The following DYM variants were observed in gnomAD, a reference collection of about 807,000 sequenced individuals.
The protein encoded by DYM is dyggve-Melchior-Clausen syndrome protein.
Under a neutral mutation model 93.1 loss-of-function variants are expected in DYM, and 78 were observed. That is an observed-to-expected ratio of 0.84 (90% CI 0.70 to 1.01). DYM has a LOEUF of 1.01. Among genes scored for constraint, DYM ranks in the 50% least tolerant of loss-of-function variants. The probability of loss-of-function intolerance (pLI) is 0.00; values close to 1 mark genes in which losing one functional copy is unlikely to be tolerated. For missense variants in DYM, 789 were observed against 845.0 expected (o/e 0.93, Z 0.82); for synonymous variants, 321 against 319.7 (o/e 1.00, Z -0.04).
At chr18:49,390,408 C>T (rs530762366) in intron 3 of DYM, among the ~76,000 whole-genome samples, 9 of 151,716 alleles carry the variant, frequency 5.9e-5, no homozygotes, top group South Asian at 2.1e-4. Context: ...CCAGCCTGGG[C>T]AGCAAAGCAA....
chr18:49,250,699 G>A (rs2094266934), intron 13 of DYM, among the ~76,000 whole-genome samples: 1 of 152,196 alleles, frequency 6.6e-6, no homozygotes, highest in South Asian at 2.1e-4. Context: ...TGGAATAAAG[G>A]GGTGGGAAGC....
intron 14 of DYM, among the ~76,000 whole-genome samples, chr18:49,206,290 G>A (rs74773016): frequency 0.078 from 11,785 of 151,960 alleles, 730 homozygotes; most frequent in East Asian, 0.29. Context: ...TAGCCACCGC[G>A]CCCAGCTGGT....
intron 8 of DYM, among the ~76,000 whole-genome samples, chr18:49,321,727 A>G (rs909222036): frequency 1.3e-5 from 2 of 151,076 alleles, no homozygotes; most frequent in African/African-American, 2.4e-5. Flanking sequence ...ATATTTTATA[A>G]GTCACAAAAT....
At chr18:49,242,638 G>A (rs1391765557) in intron 13 of DYM, among the ~76,000 whole-genome samples, 1 of 152,130 alleles carries the variant, frequency 6.6e-6, no homozygotes, top group African/African-American at 2.4e-5. Flanking sequence ...TGCGTCTTCT[G>A]TAGGTCACTG....
chr18:49,199,991 A>C (rs1218889025), intron 14 of DYM, among the ~76,000 whole-genome samples: 1 of 151,980 alleles, frequency 6.6e-6, no homozygotes, highest in Non-Finnish European at 1.5e-5. Flanking sequence ...AAAGAAAAGA[A>C]AAAAAAAGAA....
intron 16 of DYM, among the ~76,000 whole-genome samples, chr18:49,111,268 G>A (rs981704899): frequency 6.6e-6 from 1 of 152,020 alleles, no homozygotes; most frequent in Non-Finnish European, 1.5e-5. Context: ...CAAGCTGTGG[G>A]CTGCATTTGC....
chr18:49,436,807 A>C (rs1055069340), intron 1 of DYM, among the ~76,000 whole-genome samples: 5 of 152,336 alleles, frequency 3.3e-5, no homozygotes, highest in African/African-American at 1.2e-4. Flanking sequence ...CATTAAAATT[A>C]ACAGGAAAAA....
At position 49,097,451 on chromosome 18, in the gene DYM, A is replaced by G; in HGVS notation, c.1976T>C (p.Leu659Pro). The G allele has an allele frequency of 1.9e-6, 3 of 1,614,076 alleles. No individual in the cohort carries two copies. The highest frequency in any genetic ancestry group is 2.7e-5 in the African/African-American group (2 of 75,046). The stretch of plus-strand genomic sequence containing the variant: ...AACGACGCCTTGCTTAATGATTTCC[A>G]GGACCCGTTCCACTGACAGCTCAGC... ...AGAELSVERV[L>P]EIIKQGVVAL... Residue 659 changes from leucine to proline, a missense_variant, in exon 17 of 18, where the codon CTG becomes CCG. Leu to Pro is a moderately conservative substitution (Grantham distance 98). Transcript: ENST00000675505.
At chr18:49,189,848 A>C (rs1290559592) in intron 14 of DYM, among the ~76,000 whole-genome samples, 1 of 152,244 alleles carries the variant, frequency 6.6e-6, no homozygotes, top group Non-Finnish European at 1.5e-5. Flanking sequence ...CTCTTGCAAT[A>C]GTCACATCAA....
chr18:49,227,436 G>T (rs1288303084), intron 13 of DYM, among the ~76,000 whole-genome samples: 1 of 152,048 alleles, frequency 6.6e-6, no homozygotes, highest in Non-Finnish European at 1.5e-5. Context: ...AAAGTCTATT[G>T]GAGTCATTAA....
At chr18:49,429,516 A>G (rs1315822733) in intron 2 of DYM, among the ~76,000 whole-genome samples, 1 of 152,176 alleles carries the variant, frequency 6.6e-6, no homozygotes, top group Non-Finnish European at 1.5e-5. Context: ...ATGAGATATT[A>G]TTTTTCACCT....
chr18:49,371,733 T>C (rs575695951), intron 5 of DYM, among the ~76,000 whole-genome samples: 1 of 152,352 alleles, frequency 6.6e-6, no homozygotes, highest in Admixed American at 6.5e-5. Context: ...TGCCTAGGGC[T>C]GGCTTTGTCC....
At chr18:49,243,074 G>C (rs888940838) in intron 13 of DYM, among the ~76,000 whole-genome samples, 1 of 152,094 alleles carries the variant, frequency 6.6e-6, no homozygotes, top group African/African-American at 2.4e-5. Context: ...CTGCCTCCTC[G>C]CTACTTTAAA....
At chr18:49,432,350 AAAG>A (rs1289883914) in intron 1 of DYM, among the ~76,000 whole-genome samples, 1 of 147,596 alleles carries the variant, frequency 6.8e-6, no homozygotes, top group Non-Finnish European at 1.5e-5. Flanking sequence ...AAAAAAAAAG[AAAG>A]AAAGAAATTC....
intron 13 of DYM, among the ~76,000 whole-genome samples, chr18:49,254,155 A>G (rs2094343315): frequency 6.6e-6 from 1 of 151,904 alleles, no homozygotes; most frequent in Admixed American, 6.6e-5. Flanking sequence ...TTTCAATGAG[A>G]AGCCTTCTTG....
intron 8 of DYM, among the ~76,000 whole-genome samples, chr18:49,290,719 C>A (rs1404069208): frequency 6.6e-6 from 1 of 151,924 alleles, no homozygotes; most frequent in Non-Finnish European, 1.5e-5. Flanking sequence ...CATATCTATG[C>A]ATGTAAGTCC....
rs530237595 is a variant in DYM at position 49,143,583 on chromosome 18, T to C, written c.1728+20102A>G. ...CAAATATCAGAGAGGTTAAGTAAGG[T>C]CAAGGTCACATAAAGGTTAAATATA... On this transcript the variant is annotated intron_variant, in intron 15 of 17. Coordinates refer to ENST00000675505, the MANE Select transcript of DYM (RefSeq NM_001353214.3). Among the ~76,000 whole-genome samples, 7 of 152,260 alleles carry C rather than the reference T, an allele frequency of 4.6e-5. No individual in the cohort carries two copies. In the South Asian group the frequency reaches 1.2e-3, roughly 27 times the overall value.
In DYM at chr18:49,425,810, G is replaced by A. The variant is rs1217276109; in HGVS notation, c.140+4445C>T. On this transcript the variant is annotated intron_variant, in intron 2 of 17. Coordinates refer to ENST00000675505, the MANE Select transcript of DYM (RefSeq NM_001353214.3). ...ACATGAAAAAATGCTCATCATCACT[G>A]GCCATCAGAGAAATGCAAATCAAAA... 4.6e-5 allele frequency among the ~76,000 whole-genome samples: 7 copies of A among 152,236 alleles called. No individual in the cohort carries two copies. The East Asian group carries it at 7.7e-4, about 17-fold the overall frequency.
At chr18:49,301,317 G>A (rs535867703) in intron 8 of DYM, among the ~76,000 whole-genome samples, 22 of 152,158 alleles carry the variant, frequency 1.4e-4, no homozygotes, top group African/African-American at 4.8e-4. Flanking sequence ...TCAGGAGATC[G>A]AGACCATCCT....
Sources: gnomAD v4.1 joint callset for allele counts (sites outside exome capture counted in the v4.1 genomes callset) on GRCh38, gnomAD v4.1.1 for gene constraint, MANE v1.5 for transcripts, NCBI Gene and HGNC (gene_info 2026-07-23, HGNC 2026-07-21) for gene names.